NEDD9: variants seen among roughly 807,000 people sequenced by gnomAD.
NEDD9 encodes neural precursor cell expressed, developmentally down-regulated 9, also known as enhancer of filamentation 1.
A neutral mutation model predicts 76.6 loss-of-function variants in NEDD9; 26 were observed. The ratio of observed to expected loss-of-function variants is 0.34; its 90% CI spans 0.25 to 0.47. The LOEUF (loss-of-function observed/expected upper bound fraction) is 0.47. Ranked by LOEUF, NEDD9 falls within the 20% of genes least tolerant of loss-of-function variation. The probability of loss-of-function intolerance (pLI) is 1.00; values close to 1 mark genes in which losing one functional copy is unlikely to be tolerated. For synonymous variants in NEDD9, 392 were observed against 414.2 expected (o/e 0.95, Z 0.65); for missense variants, 937 against 1,058.5 (o/e 0.89, Z 1.59).
At chr6:11,350,378 C>T (rs1762443846) in intron 1 of NEDD9, among the ~76,000 whole-genome samples, 1 of 152,206 alleles carries the variant, frequency 6.6e-6, no homozygotes, top group South Asian at 2.1e-4. Flanking sequence ...GCCAAAGATG[C>T]TACCACAGGC....
At chr6:11,238,374 T>A (rs1759650120) in intron 3 of NEDD9, among the ~76,000 whole-genome samples, 1 of 152,250 alleles carries the variant, frequency 6.6e-6, no homozygotes, top group African/African-American at 2.4e-5. Flanking sequence ...ATTCTCTTCA[T>A]ATGAATGAAT....
intron 1 of NEDD9, among the ~76,000 whole-genome samples, chr6:11,355,354 A>T (rs182126918): frequency 0.013 from 1,928 of 152,334 alleles, 40 homozygotes; most frequent in African/African-American, 0.044. Context: ...AAAAATTTAA[A>T]AAAAAATTAA....
At chr6:11,232,375 G>T (rs1364811627) in intron 1 of NEDD9, 129 bp downstream of exon 1, 10 of 1,167,248 alleles carry the variant, frequency 8.6e-6, no homozygotes, top group Non-Finnish European at 1.3e-5. Flanking sequence ...CAACCTCAGT[G>T]ACCGAGACTC....
intron 3 of NEDD9, among the ~76,000 whole-genome samples, chr6:11,246,144 G>A (rs556292630): frequency 6.6e-6 from 1 of 152,252 alleles, no homozygotes; most frequent in South Asian, 2.1e-4. Context: ...TAATAGCAAA[G>A]GATAAAAGAA....
At chr6:11,339,863 T>A (rs1424724793) in intron 1 of NEDD9, among the ~76,000 whole-genome samples, 1 of 152,230 alleles carries the variant, frequency 6.6e-6, no homozygotes, top group Admixed American at 6.5e-5. Flanking sequence ...CTTGCATTTG[T>A]CATCTAATTT....
chr6:11,288,431 G>T (rs989164256), intron 3 of NEDD9, among the ~76,000 whole-genome samples: 7 of 152,224 alleles, frequency 4.6e-5, no homozygotes, highest in African/African-American at 1.4e-4. Context: ...CTCACTATGT[G>T]AGGAGCCAAA....
chr6:11,348,331 A>G (rs963192181), intron 1 of NEDD9, among the ~76,000 whole-genome samples: 3 of 152,262 alleles, frequency 2.0e-5, no homozygotes, highest in Admixed American at 2.0e-4. Context: ...GAAAGAATCA[A>G]CATCATTAAA....
upstream of NEDD9, chr6:11,233,445 G>C (rs370814437): frequency 1.9e-6 from 1 of 518,746 alleles, no homozygotes; most frequent in African/African-American, 1.9e-5. Flanking sequence ...GCCAGTGCAC[G>C]CCCTATACAT....
At chr6:11,371,381 A>G (rs1375044671) in intron 1 of NEDD9, among the ~76,000 whole-genome samples, 2 of 152,182 alleles carry the variant, frequency 1.3e-5, no homozygotes, top group Non-Finnish European at 2.9e-5. Flanking sequence ...CTATCGTATC[A>G]CGCAGAGGAC....
At chr6:11,248,074 T>C (rs551872639) in intron 3 of NEDD9, among the ~76,000 whole-genome samples, 2 of 152,198 alleles carry the variant, frequency 1.3e-5, no homozygotes, top group South Asian at 2.1e-4. Context: ...TTAAAGAGTT[T>C]TTTAACTCTT....
chr6:11,380,630 C>T (rs558819596), intron 1 of NEDD9, among the ~76,000 whole-genome samples: 10 of 152,316 alleles, frequency 6.6e-5, no homozygotes, highest in Non-Finnish European at 1.3e-4. Context: ...TACCCCTTCT[C>T]TGCCAGATGC....
At chr6:11,234,777 GC>G (rs1446136677), upstream of NEDD9, among the ~76,000 whole-genome samples, 2 of 149,330 alleles carry the variant, frequency 1.3e-5, no homozygotes, top group African/African-American at 5.0e-5. Flanking sequence ...GTGCAGTGGT[GC>G]AATATCGGCT....
intron 1 of NEDD9, among the ~76,000 whole-genome samples, chr6:11,365,329 TAA>T (rs985367703): frequency 3.3e-5 from 5 of 152,202 alleles, no homozygotes; most frequent in Non-Finnish European, 7.3e-5. Context: ...CTGCCTATAA[TAA>T]GTCATAGCTT....
At chr6:11,236,602 G>C (rs1759607228), upstream of NEDD9, among the ~76,000 whole-genome samples, 1 of 152,194 alleles carries the variant, frequency 6.6e-6, no homozygotes, top group Admixed American at 6.5e-5. The surrounding 1 kb of genome is among the most constrained non-coding windows in gnomAD (Gnocchi z 5.5). Context: ...GTCGCTCAGA[G>C]AGATTGAGTG....
intron 3 of NEDD9, among the ~76,000 whole-genome samples, chr6:11,239,410 C>T (rs540956915): frequency 6.6e-6 from 1 of 150,606 alleles, no homozygotes; most frequent in South Asian, 2.1e-4. Flanking sequence ...CTTGTCTGTG[C>T]ACACTGCCTT....
chr6:11,251,861 G>A (rs1438401295), intron 3 of NEDD9: 1 of 152,246 alleles, frequency 6.6e-6, no homozygotes, highest in African/African-American at 2.4e-5. Flanking sequence ...TAATTTCTCT[G>A]TGGCTCAGTG....
chr6:11,372,052 T>C (rs1582055156), intron 1 of NEDD9, among the ~76,000 whole-genome samples: 2 of 152,324 alleles, frequency 1.3e-5, no homozygotes, highest in African/African-American at 4.8e-5. Flanking sequence ...GGTCATCCTG[T>C]TGTGCTAGCA....
intron 3 of NEDD9, among the ~76,000 whole-genome samples, chr6:11,239,661 A>T (rs1759669557): frequency 6.6e-6 from 1 of 152,162 alleles, no homozygotes; most frequent in Non-Finnish European, 1.5e-5. Context: ...GACCTCATGA[A>T]GGCTACCCGA....
chr6:11,332,358 T>C (rs1201345470), intron 2 of NEDD9, among the ~76,000 whole-genome samples: 1 of 152,206 alleles, frequency 6.6e-6, no homozygotes, highest in Non-Finnish European at 1.5e-5. Context: ...TGAATTTGAC[T>C]ACATTATGCC....
Sources: gnomAD v4.1 joint callset for allele counts (sites outside exome capture counted in the v4.1 genomes callset) on GRCh38, gnomAD v4.1.1 for gene constraint, Gnocchi (gnomAD v3.1) non-coding constraint, MANE v1.5 for transcripts, NCBI Gene and HGNC (gene_info 2026-07-23, HGNC 2026-07-21) for gene names.